The following INPP4B variants were observed in gnomAD, a reference collection of about 807,000 sequenced individuals.
The protein encoded by INPP4B is inositol polyphosphate-4-phosphatase type II B, also known as inositol polyphosphate 4-phosphatase type II.
In INPP4B, 55 loss-of-function variants were observed where a neutral mutation model predicts 122.5. The ratio of observed to expected loss-of-function variants is 0.45; its 90% CI spans 0.36 to 0.56. INPP4B has a LOEUF of 0.56. Ranked by LOEUF, INPP4B falls within the 20% of genes least tolerant of loss-of-function variation. The probability of loss-of-function intolerance (pLI) is 0.00; values close to 1 mark genes in which losing one functional copy is unlikely to be tolerated. For synonymous variants in INPP4B, 403 were observed against 388.7 expected (o/e 1.04, Z -0.43); for missense variants, 1,000 against 1,097.7 (o/e 0.91, Z 1.26).
Position 142,026,557 on chromosome 4 carries a change from C to A in INPP4B, c.*2225G>T, listed in dbSNP as rs1578653098. ...TCTCAGCTCACTGCAACCTCCGCCT[C>A]CGGGGTTCAAGCGATTCTCTTGCCT... is the stretch of plus-strand genomic sequence containing the variant. On this transcript the variant is annotated 3_prime_UTR_variant, in exon 26 of 26. Coordinates refer to ENST00000262992, the MANE Select transcript of INPP4B (RefSeq NM_001101669.3). 6.6e-6 allele frequency: 1 copy of A among 152,444 alleles called. No individual in the cohort carries two copies. The highest frequency in any genetic ancestry group is 2.1e-4 in the South Asian group (1 of 4,834). 9.4% of individuals were successfully genotyped at this position (152,444 alleles called of 1,614,324 possible). A position where few individuals can be genotyped will look rare whatever the true frequency, so the allele number is the denominator to read the frequency against.
chr4:142,629,637 T>C (rs1747473690), intron 2 of INPP4B, among the ~76,000 whole-genome samples: 1 of 151,974 alleles, frequency 6.6e-6, no homozygotes, highest in Admixed American at 6.6e-5. Flanking sequence ...TAAAACAATA[T>C]AGAGCCATGA....
At position 142,068,190 on chromosome 4, in the gene INPP4B, G is replaced by T. The variant is rs553137606; in HGVS notation, c.2642+13841C>A. Among the ~76,000 whole-genome samples, 147 of 152,292 alleles carry T rather than the reference G, an allele frequency of 9.7e-4. 1 individual carries two copies. The highest frequency in any genetic ancestry group is 3.4e-3 in the African/African-American group (143 of 41,578). ...GGGGCCAATATTCAACAATCTTAAAGAAAAGAATTTTCAACCCAGAATTTC... is the reference window on the plus strand; with the variant it reads ...GGGGCCAATATTCAACAATCTTAAATAAAAGAATTTTCAACCCAGAATTTC... On this transcript the variant is annotated intron_variant, in intron 25 of 25. Transcript: ENST00000262992.
At chr4:142,311,847 C>G (rs1765609857) in intron 8 of INPP4B, among the ~76,000 whole-genome samples, 1 of 152,082 alleles carries the variant, frequency 6.6e-6, no homozygotes, top group Non-Finnish European at 1.5e-5. Flanking sequence ...TCACTCAACC[C>G]AGAATGTGCT....
rs948547390 is a variant in INPP4B at position 142,209,228 on chromosome 4, C to T, written c.837-202G>A. Reference sequence around the variant, plus strand: ...AATAGCTTAACCACACAAATAAAAACATTATGTCAAAGGGCAAAAAATTAG... The same window carrying T: ...AATAGCTTAACCACACAAATAAAAATATTATGTCAAAGGGCAAAAAATTAG... On this transcript the variant is annotated intron_variant, in intron 12 of 25. Coordinates refer to ENST00000262992, the MANE Select transcript of INPP4B (RefSeq NM_001101669.3). 2.0e-5 allele frequency among the ~76,000 whole-genome samples: 3 copies of T among 152,150 alleles called. No individual in the cohort carries two copies. In the East Asian group the frequency reaches 5.8e-4, roughly 29 times the overall value.
At chr4:142,456,682 A>C (rs187804348) in intron 3 of INPP4B, among the ~76,000 whole-genome samples, 2 of 152,222 alleles carry the variant, frequency 1.3e-5, no homozygotes, top group East Asian at 3.9e-4. Flanking sequence ...ACATTGATGA[A>C]AGAAATAAAA....
intron 2 of INPP4B, among the ~76,000 whole-genome samples, chr4:142,535,469 C>T (rs148607626): frequency 4.9e-4 from 74 of 152,302 alleles, no homozygotes; most frequent in African/African-American, 1.6e-3. Flanking sequence ...AGAACTAACT[C>T]TATGGCAGTG....
intron 7 of INPP4B, chr4:142,383,831 C>G (rs1177925270): frequency 2.2e-6 from 1 of 453,086 alleles, no homozygotes; most frequent in Non-Finnish European, 3.9e-6. Context: ...AGGACCTTGA[C>G]TTTATTTATG....
At chr4:142,517,434 G>A (rs550748477) in intron 2 of INPP4B, among the ~76,000 whole-genome samples, 6 of 152,136 alleles carry the variant, frequency 3.9e-5, no homozygotes, top group East Asian at 3.9e-4. Flanking sequence ...CTAATGTTAC[G>A]CAGCTGACAA....
At chr4:142,326,555 A>T (rs1272246331) in intron 7 of INPP4B, among the ~76,000 whole-genome samples, 1 of 152,138 alleles carries the variant, frequency 6.6e-6, no homozygotes. Flanking sequence ...TCAAACTTCC[A>T]CCACTGCCTC....
intron 17 of INPP4B, among the ~76,000 whole-genome samples, chr4:142,157,309 A>G (rs1051258962): frequency 6.6e-6 from 1 of 152,148 alleles, no homozygotes; most frequent in Non-Finnish European, 1.5e-5. Flanking sequence ...AGGGATTTCT[A>G]TCCTCTGATG....
intron 25 of INPP4B, among the ~76,000 whole-genome samples, chr4:142,078,248 A>C (rs1424971231): frequency 6.6e-6 from 1 of 152,016 alleles, no homozygotes; most frequent in Non-Finnish European, 1.5e-5. Context: ...GTGAGCTGAA[A>C]TGGTTTCTAT....
At chr4:142,318,749 T>A (rs1164039748) in intron 7 of INPP4B, among the ~76,000 whole-genome samples, 1 of 152,164 alleles carries the variant, frequency 6.6e-6, no homozygotes, top group Non-Finnish European at 1.5e-5. Context: ...TCCTGCTCTA[T>A]CAACCCCAGA....
At chr4:142,339,026 C>A (rs1777809398) in intron 7 of INPP4B, among the ~76,000 whole-genome samples, 1 of 152,148 alleles carries the variant, frequency 6.6e-6, no homozygotes, top group African/African-American at 2.4e-5. Context: ...TGTCTTCCTG[C>A]TGGGTAGCTT....
intron 7 of INPP4B, among the ~76,000 whole-genome samples, chr4:142,385,819 C>T (rs1795784810): frequency 6.6e-6 from 1 of 152,026 alleles, no homozygotes; most frequent in South Asian, 2.1e-4. Context: ...CAACTATATA[C>T]TATGTGATGT....
rs539341581 is a variant in INPP4B, at chr4:142,306,661, A to G, written c.424-1124T>C. Among the ~76,000 whole-genome samples, 7 of 152,302 alleles carry G rather than the reference A, an allele frequency of 4.6e-5. No individual in the cohort carries two copies. The South Asian group carries it at 1.4e-3, about 32-fold the overall frequency. ...TCGGAATTTTTCTCCCTCTTTTAAA[A>G]TCTTTAACTTAGATGAGCTGGTCCT... On this transcript the variant is annotated intron_variant, in intron 8 of 25. Transcript: ENST00000262992.
chr4:142,599,258 C>A (rs1236439839), intron 2 of INPP4B, among the ~76,000 whole-genome samples: 1 of 152,198 alleles, frequency 6.6e-6, no homozygotes, highest in Non-Finnish European at 1.5e-5. Flanking sequence ...TGTCTGCTAA[C>A]ACCAGTGCCA....
chr4:142,461,408 A>G (rs1305969966), intron 3 of INPP4B, among the ~76,000 whole-genome samples: 1 of 152,236 alleles, frequency 6.6e-6, no homozygotes, highest in Middle Eastern at 3.2e-3. Context: ...GAAAACCAGT[A>G]TTACTAATGC....
intron 16 of INPP4B, among the ~76,000 whole-genome samples, chr4:142,167,354 G>C (rs1579144285): frequency 6.6e-6 from 1 of 151,782 alleles, no homozygotes; most frequent in African/African-American, 2.4e-5. Flanking sequence ...AGAACACATG[G>C]ACACAGGGAG....
intron 2 of INPP4B, among the ~76,000 whole-genome samples, chr4:142,567,649 A>G (rs964814864): frequency 6.6e-6 from 1 of 152,162 alleles, no homozygotes; most frequent in African/African-American, 2.4e-5. Context: ...GATACCTGTA[A>G]TAACAGTGAA....
Sources: gnomAD v4.1 joint callset for allele counts (sites outside exome capture counted in the v4.1 genomes callset) on GRCh38, gnomAD v4.1.1 for gene constraint, MANE v1.5 for transcripts, NCBI Gene and HGNC (gene_info 2026-07-23, HGNC 2026-07-21) for gene names.